ERBB4: variants seen among roughly 807,000 people sequenced by gnomAD.
The protein encoded by ERBB4 is receptor tyrosine-protein kinase erbB-4.
ERBB4 carries 42 observed loss-of-function variants against 158.0 expected under a neutral mutation model. The observed-to-expected ratio is 0.27, with a 90% CI of 0.21 to 0.34. ERBB4 has a LOEUF of 0.34. Among genes scored for constraint, ERBB4 ranks in the 10% least tolerant of loss-of-function variants. ERBB4 has a pLI of 1.00. For missense variants in ERBB4, 1,333 were observed against 1,624.1 expected, an observed-to-expected ratio of 0.82 and a Z score of 3.08; for synonymous variants, 583 against 558.7, an observed-to-expected ratio of 1.04 and a Z score of -0.61.
chr2:212,420,331 A>G (rs1159823512), intron 1 of ERBB4, among the ~76,000 whole-genome samples: 1 of 152,058 alleles, frequency 6.6e-6, no homozygotes, highest in Non-Finnish European at 1.5e-5. Context: ...GCCAGCCCAC[A>G]GTTATGCTCA....
At chr2:212,302,003 C>T (rs1459239761) in intron 1 of ERBB4, among the ~76,000 whole-genome samples, 2 of 151,336 alleles carry the variant, frequency 1.3e-5, no homozygotes, top group Non-Finnish European at 3.0e-5. Context: ...CATACTTGAC[C>T]AATACTGTGC....
At chr2:211,833,209 T>C (rs1295497124) in intron 3 of ERBB4, among the ~76,000 whole-genome samples, 1 of 152,078 alleles carries the variant, frequency 6.6e-6, no homozygotes, top group Non-Finnish European at 1.5e-5. Context: ...ATATGGTTTT[T>C]CAAGTAAGGA....
At chr2:212,490,352 ACT>A (rs1690206488) in intron 1 of ERBB4, among the ~76,000 whole-genome samples, 1 of 151,838 alleles carries the variant, frequency 6.6e-6, no homozygotes, top group Non-Finnish European at 1.5e-5. Flanking sequence ...CAGCATTGCC[ACT>A]GTTTCTCTTT....
intron 1 of ERBB4, among the ~76,000 whole-genome samples, chr2:212,440,567 G>T (rs2092233011): frequency 6.6e-6 from 1 of 152,108 alleles, no homozygotes; most frequent in Admixed American, 6.5e-5. Flanking sequence ...TACCAGGAGT[G>T]GTTCTGGAGG....
intron 19 of ERBB4, among the ~76,000 whole-genome samples, chr2:211,586,289 C>T (rs764039323): frequency 3.3e-5 from 5 of 152,040 alleles, no homozygotes; most frequent in African/African-American, 1.2e-4. Flanking sequence ...AAAAACTAAT[C>T]TCTTTAACAT....
At chr2:212,303,059 T>C (rs2086678777) in intron 1 of ERBB4, among the ~76,000 whole-genome samples, 1 of 148,038 alleles carries the variant, frequency 6.8e-6, no homozygotes, top group South Asian at 2.1e-4. Context: ...GACCTAAGTT[T>C]ATTATTTTCT....
intron 1 of ERBB4, among the ~76,000 whole-genome samples, chr2:212,196,069 G>A (rs947227102): frequency 3.9e-5 from 6 of 152,074 alleles, no homozygotes; most frequent in Non-Finnish European, 8.8e-5. Flanking sequence ...CAGAGGTTAA[G>A]GATGCCAAAC....
At chr2:212,104,997 A>G (rs1321006426) in intron 2 of ERBB4, among the ~76,000 whole-genome samples, 2 of 151,378 alleles carry the variant, frequency 1.3e-5, no homozygotes, top group East Asian at 1.9e-4. Flanking sequence ...TTCATCAGAC[A>G]TCAACGTCCT....
chr2:212,067,788 G>A (rs949995384), intron 2 of ERBB4, among the ~76,000 whole-genome samples: 9 of 151,884 alleles, frequency 5.9e-5, no homozygotes, highest in African/African-American at 1.9e-4. Context: ...TCTTTCAGTT[G>A]ACAGAATAAC....
At chr2:212,269,309 T>C (rs2085259835) in intron 1 of ERBB4, among the ~76,000 whole-genome samples, 1 of 151,814 alleles carries the variant, frequency 6.6e-6, no homozygotes, top group Non-Finnish European at 1.5e-5. Context: ...AAATCAGAAA[T>C]ATAGGAGAGT....
chr2:212,458,853 G>C (rs62186291), intron 1 of ERBB4, among the ~76,000 whole-genome samples: 1 of 152,148 alleles, frequency 6.6e-6, no homozygotes, highest in Non-Finnish European at 1.5e-5. Context: ...GAAAAGAAGA[G>C]AATAATTTCA....
At chr2:211,590,268 TA>T (rs2068420546) in intron 19 of ERBB4, among the ~76,000 whole-genome samples, 1 of 152,206 alleles carries the variant, frequency 6.6e-6, no homozygotes, top group Non-Finnish European at 1.5e-5. Flanking sequence ...GGGAGGAACT[TA>T]GTTTATAGTT....
At chr2:211,694,328 C>T (rs911486195) in intron 12 of ERBB4, among the ~76,000 whole-genome samples, 1 of 152,084 alleles carries the variant, frequency 6.6e-6, no homozygotes, top group Admixed American at 6.6e-5. Context: ...TAAAATATCA[C>T]CCACCATTTG....
chr2:211,699,937 C>T (rs2073169951), intron 12 of ERBB4, among the ~76,000 whole-genome samples: 1 of 152,004 alleles, frequency 6.6e-6, no homozygotes. Context: ...TTTTCTTCTT[C>T]CCATTTGCTT....
chr2:211,498,990 C>G (rs549538354), intron 20 of ERBB4, among the ~76,000 whole-genome samples: 2 of 152,226 alleles, frequency 1.3e-5, no homozygotes, highest in East Asian at 3.9e-4. Context: ...TGAGGCTCCA[C>G]GAAGACAGTA....
intron 3 of ERBB4, among the ~76,000 whole-genome samples, chr2:211,803,239 A>T (rs1055583333): frequency 6.6e-6 from 1 of 152,224 alleles, no homozygotes; most frequent in Non-Finnish European, 1.5e-5. Flanking sequence ...CATCCAAGCA[A>T]CATTATTATT....
At chr2:211,464,463 G>A (rs1047070170) in intron 20 of ERBB4, among the ~76,000 whole-genome samples, 1 of 152,094 alleles carries the variant, frequency 6.6e-6, no homozygotes, top group South Asian at 2.1e-4. Flanking sequence ...AAACAAAATT[G>A]AAGGCTAAAT....
intron 1 of ERBB4, among the ~76,000 whole-genome samples, chr2:212,458,524 A>G (rs1688415898): frequency 1.3e-5 from 2 of 152,290 alleles, no homozygotes; most frequent in South Asian, 4.1e-4. Flanking sequence ...GCAGAATGCC[A>G]AGAGGCTGTG....
intron 1 of ERBB4, among the ~76,000 whole-genome samples, chr2:212,207,106 A>T (rs1333410369): frequency 6.6e-6 from 1 of 152,130 alleles, no homozygotes; most frequent in Non-Finnish European, 1.5e-5. Flanking sequence ...GTGTATAAAC[A>T]TATTCCAGAA....
Sources: gnomAD v4.1 joint callset for allele counts (sites outside exome capture counted in the v4.1 genomes callset) on GRCh38, gnomAD v4.1.1 for gene constraint, MANE v1.5 for transcripts, NCBI Gene and HGNC (gene_info 2026-07-23, HGNC 2026-07-21) for gene names.